KNTC1: variants seen among roughly 807,000 people sequenced by gnomAD.
KNTC1 encodes kinetochore-associated protein 1.
In KNTC1, 253 loss-of-function variants were observed where a neutral mutation model predicts 314.4. The ratio of observed to expected loss-of-function variants is 0.80; its 90% CI spans 0.73 to 0.89. The LOEUF is 0.89. Among genes scored for constraint, KNTC1 ranks in the 40% least tolerant of loss-of-function variants. The pLI is 0.00. For synonymous variants in KNTC1, 901 were observed against 901.4 expected (o/e 1.00, Z 0.01); for missense variants, 2,475 against 2,572.9 (o/e 0.96, Z 0.82).
chr12:122,563,893 A>G lies in KNTC1; in HGVS notation c.1604+1194A>G. On this transcript the variant is annotated intron_variant, in intron 20 of 63. Transcript: ENST00000333479. ...TTGAAAGGAAGAAAAAACAGCTGGT[A>G]TTTGCAAAGGGCAGTGTGGCCTTAC... The G allele has an allele frequency of 4.9e-6, 6 of 1,231,270 alleles. No homozygotes were observed. The South Asian group carries it at 1.4e-4, about 28-fold the overall frequency. 76.3% of individuals were successfully genotyped at this position (1,231,270 alleles called of 1,614,324 possible). A position where few individuals can be genotyped will look rare whatever the true frequency, so the allele number is the denominator to read the frequency against.
chr12:122,580,458 C>T (rs536447046), intron 32 of KNTC1, 145 bp from the exon 33 acceptor site: 10 of 515,340 alleles, frequency 1.9e-5, no homozygotes, highest in Non-Finnish European at 3.5e-5. Flanking sequence ...ATCTTTTGTA[C>T]TTAGTTACTG....
intron 4 of KNTC1, among the ~76,000 whole-genome samples, chr12:122,539,141 A>G (rs1422927185): frequency 6.6e-6 from 1 of 152,130 alleles, no homozygotes; most frequent in Non-Finnish European, 1.5e-5. Context: ...AGGTTCTTGT[A>G]TGGTTGGGAA....
intron 40 of KNTC1, 99 bp downstream of exon 40, chr12:122,588,915 G>T: frequency 1.6e-6 from 1 of 617,570 alleles, no homozygotes; most frequent in Non-Finnish European, 2.6e-6. Context: ...CAGTACAGTA[G>T]TATTTTACTA....
chr12:122,602,805 G>A (rs376793296), intron 46 of KNTC1, 24 bp from the exon 47 acceptor site: 34 of 1,611,046 alleles, frequency 2.1e-5, no homozygotes, highest in South Asian at 7.7e-5. Context: ...TAAGCAAATC[G>A]TACTTTCCTT....
chr12:122,573,417 A>C (rs565498927), intron 26 of KNTC1, 132 bp downstream of exon 26: 7 of 846,310 alleles, frequency 8.3e-6, no homozygotes, highest in African/African-American at 3.4e-5. Flanking sequence ...ATTGGTTAAA[A>C]ATGTGGGTTA....
Position 122,601,638 on chromosome 12 carries a change from T to G in KNTC1, c.4653+13T>G, listed in dbSNP as rs748647338. On this transcript the variant is annotated intron_variant, in intron 45 of 63. Transcript: ENST00000333479. ...TAATATTAATCAGGTATAACAAATA[T>G]ATCAAAGATGTAAAAATCATCTTTC... The G allele has an allele frequency of 6.3e-5, 93 of 1,470,798 alleles. No homozygotes were observed. The highest frequency in any genetic ancestry group is 6.4e-5 in the Non-Finnish European group (71 of 1,111,910). The allele number at this position is 1,470,798 out of a possible 1,614,324, so 91.1% of individuals were successfully genotyped here.
rs1963688525 is a variant in KNTC1 at position 122,557,647 on chromosome 12, C to G, written c.1446C>G (p.Thr482=). The change falls in exon 18 of 64, where the codon ACC becomes ACG. Residue 482 remains threonine (T), a synonymous_variant. Coordinates refer to ENST00000333479, the MANE Select transcript of KNTC1 (RefSeq NM_014708.6). ...ACTGCCTGAAAGCTCAGTGGATAAC[C>G]TATGAAACCACTCAAGAGATGCTGA... The part of the protein sequence containing the change: ...VNYCLKAQWI[T]YETTQEMLNY... The G allele has an allele frequency of 6.2e-7, 1 of 1,613,298 alleles. No homozygotes were observed. Among genetic ancestry groups the G allele is most frequent in the African/African-American group, 1.3e-5 (1 of 74,886 alleles).
rs776174066 is a variant in KNTC1, at chr12:122,551,499, T to C, written c.1172T>C (p.Leu391Pro). 1.2e-5 allele frequency: 19 copies of C among 1,599,158 alleles called. No homozygotes were observed. Among genetic ancestry groups the C allele is most frequent in the Non-Finnish European group, 1.6e-5 (19 of 1,171,728 alleles). ...DSVSVLVLRC[L>P]TEALPENRLS... ...GTCTCTGTGTTAGTACTCAGATGTC[T>C]TACGGAAGCTTTACCAGAAAACAGG... is the stretch of plus-strand genomic sequence containing the variant. The change falls in exon 15 of 64, where the codon CTT becomes CCT. Residue 391 changes from leucine to proline, a missense_variant. Transcript: ENST00000333479.
At chr12:122,597,483 G>A (rs985549839) in intron 43 of KNTC1, 5 of 414,470 alleles carry the variant, frequency 1.2e-5, no homozygotes, top group Non-Finnish European at 1.8e-5. Flanking sequence ...TCCTGACCTC[G>A]TGATCTGTTC....
intron 55 of KNTC1, 111 bp from the exon 56 acceptor site, chr12:122,614,863 AGAGTGAGACTCCATCTC>A: frequency 1.8e-6 from 1 of 564,658 alleles, no homozygotes; most frequent in Non-Finnish European, 3.1e-6. Flanking sequence ...CCTGGGCAAC[AGAGTGAGACTCCATCTC>A]AAAAAAAAAA....
chr12:122,569,704 T>C lies in KNTC1; in HGVS notation c.1740T>C (p.Asp580=), dbSNP rs373899483. 2.5e-6 allele frequency: 4 copies of C among 1,612,724 alleles called. No homozygotes were observed. The highest frequency in any genetic ancestry group is 2.7e-5 in the African/African-American group (2 of 75,026). ...RHRANFESRF[D]VKMLESLLNS... is the part of the protein sequence containing the mutation. ...AGGCAAACTTTGAAAGCAGATTTGA[T>C]GTGAAAATGCTGGAGAGCTTGCTCA... is the stretch of plus-strand genomic sequence containing the variant. Residue 580 remains aspartate (D), a synonymous_variant, in exon 22 of 64, where the codon GAT becomes GAC. Transcript: ENST00000333479.
chr12:122,563,638 G>A, intron 20 of KNTC1: 3 of 552,538 alleles, frequency 5.4e-6, no homozygotes, highest in Non-Finnish European at 8.0e-6. Flanking sequence ...GCAGCGAGAA[G>A]GGCAGATCTC....
chr12:122,557,385 T>C lies in KNTC1; in HGVS notation c.1274T>C (p.Leu425Pro), dbSNP rs375661591. 44 of 1,611,580 alleles carry C rather than the reference T, an allele frequency of 2.7e-5. No individual in the cohort carries two copies. In the African/African-American group the frequency reaches 4.8e-4, roughly 18 times the overall value. The change falls in exon 17 of 64, where the codon CTT becomes CCT. Residue 425 changes from leucine to proline, a missense_variant and splice_region_variant. Coordinates refer to ENST00000333479, the MANE Select transcript of KNTC1 (RefSeq NM_014708.6). ...FAIQFGLDVELVYKVKSNHIL... is the reference protein window; with the variant it reads ...FAIQFGLDVEPVYKVKSNHIL... ...TGATGTGGCGTGTTTATATTACAGC[T>C]TGTTTACAAGGTCAAGTCAAATCAT...
intron 8 of KNTC1, among the ~76,000 whole-genome samples, chr12:122,545,052 T>C (rs185494350): frequency 6.6e-6 from 1 of 152,326 alleles, no homozygotes; most frequent in Non-Finnish European, 1.5e-5. Flanking sequence ...CATGTATACA[T>C]TGCTGTATAA....
intron 20 of KNTC1, among the ~76,000 whole-genome samples, chr12:122,565,815 G>A (rs1964290186): frequency 6.6e-6 from 1 of 152,066 alleles, no homozygotes; most frequent in Non-Finnish European, 1.5e-5. Context: ...AGCCTGGGAG[G>A]TCGAGGCTGC....
intron 4 of KNTC1, 149 bp downstream of exon 4, chr12:122,538,603 C>A (rs1962040002): frequency 1.9e-6 from 1 of 522,496 alleles, no homozygotes; most frequent in Middle Eastern, 5.1e-4. Context: ...GTTACCACAG[C>A]TTGGATCCTG....
At chr12:122,564,651 T>C (rs1254452753) in intron 20 of KNTC1, among the ~76,000 whole-genome samples, 1 of 152,110 alleles carries the variant, frequency 6.6e-6, no homozygotes, top group Admixed American at 6.6e-5. Flanking sequence ...TTAATTATTT[T>C]TTTAGAAATG....
At chr12:122,606,017 T>TG (rs200741496) in intron 51 of KNTC1, among the ~76,000 whole-genome samples, 114 of 144,814 alleles carry the variant, frequency 7.9e-4, no homozygotes, top group South Asian at 1.6e-3. Flanking sequence ...TAATGTTTTG[T>TG]TTTTTTTGTT....
intron 2 of KNTC1, among the ~76,000 whole-genome samples, chr12:122,531,031 GA>G (rs1034152140): frequency 6.6e-6 from 1 of 151,944 alleles, no homozygotes; most frequent in Admixed American, 6.6e-5. Flanking sequence ...AGCTACTTGG[GA>G]GGCTGGTATT....
Sources: gnomAD v4.1 joint callset for allele counts (sites outside exome capture counted in the v4.1 genomes callset) on GRCh38, gnomAD v4.1.1 for gene constraint, MANE v1.5 for transcripts, NCBI Gene and HGNC (gene_info 2026-07-23, HGNC 2026-07-21) for gene names.